The following GRIN2B variants were observed in gnomAD, a reference collection of about 807,000 sequenced individuals.
GRIN2B encodes glutamate ionotropic receptor NMDA type subunit 2B.
Under a neutral mutation model 114.5 loss-of-function variants are expected in GRIN2B, and 5 were observed. That is an observed-to-expected ratio of 0.04 (90% CI 0.02 to 0.09). The LOEUF (loss-of-function observed/expected upper bound fraction) is 0.09, where lower values mean the gene tolerates loss of function less well. GRIN2B is among the 10% of genes least tolerant of loss of function. The pLI is 1.00. For missense variants in GRIN2B, 1,108 were observed against 1,943.5 expected (o/e 0.57, Z 8.08); for synonymous variants, 787 against 745.1 (o/e 1.06, Z -0.92).
intron 2 of GRIN2B, among the ~76,000 whole-genome samples, chr12:13,866,949 T>A (rs1258685808): frequency 6.6e-6 from 1 of 152,234 alleles, no homozygotes; most frequent in African/African-American, 2.4e-5. Context: ...CTAAGTGTTC[T>A]AAGACCATGA....
chr12:13,935,201 G>A (rs978799649), intron 2 of GRIN2B, among the ~76,000 whole-genome samples: 13 of 152,148 alleles, frequency 8.5e-5, no homozygotes, highest in Non-Finnish European at 1.8e-4. Flanking sequence ...CTATTCAAAA[G>A]GCTAGCATAT....
At chr12:13,843,634 G>A (rs1437710677) in intron 3 of GRIN2B, among the ~76,000 whole-genome samples, 2 of 152,140 alleles carry the variant, frequency 1.3e-5, no homozygotes, top group East Asian at 3.9e-4. Context: ...TAAACAGTCA[G>A]AAGACAATTT....
chr12:13,899,914 T>C (rs1866414746), intron 2 of GRIN2B, among the ~76,000 whole-genome samples: 1 of 152,170 alleles, frequency 6.6e-6, no homozygotes, highest in Admixed American at 6.5e-5. Flanking sequence ...CTCTAAGCTG[T>C]ATAACAGCCT....
chr12:13,937,168 C>CAT (rs551073440), intron 2 of GRIN2B, among the ~76,000 whole-genome samples: 284 of 146,370 alleles, frequency 1.9e-3, no homozygotes, highest in Middle Eastern at 3.6e-3. Context: ...AATAATCTAA[C>CAT]ATATATATAT....
chr12:13,948,153 G>C (rs922638961), intron 2 of GRIN2B, among the ~76,000 whole-genome samples: 2 of 152,154 alleles, frequency 1.3e-5, no homozygotes, highest in Non-Finnish European at 2.9e-5. Flanking sequence ...ATGTCAACTT[G>C]TTGTCTAATA....
At chr12:13,843,332 C>T (rs1050148245) in intron 3 of GRIN2B, among the ~76,000 whole-genome samples, 1 of 151,966 alleles carries the variant, frequency 6.6e-6, no homozygotes, top group African/African-American at 2.4e-5. Flanking sequence ...TTCCAGACAA[C>T]TGTGTCTGCA....
chr12:13,633,469 T>C (rs1805549), intron 5 of GRIN2B, among the ~76,000 whole-genome samples: 2,190 of 152,344 alleles, frequency 0.014, 32 homozygotes, highest in Non-Finnish European at 0.024. Context: ...TACTGGCCTG[T>C]GCCACTAAGG....
At chr12:13,723,633 G>T (rs913023149) in intron 4 of GRIN2B, among the ~76,000 whole-genome samples, 2 of 152,138 alleles carry the variant, frequency 1.3e-5, no homozygotes, top group Non-Finnish European at 2.9e-5. Context: ...CTACAGGTGA[G>T]TGAAGTAGTA....
At chr12:13,807,098 T>C (rs982334335) in intron 3 of GRIN2B, among the ~76,000 whole-genome samples, 2 of 152,140 alleles carry the variant, frequency 1.3e-5, no homozygotes, top group African/African-American at 4.8e-5. Context: ...GCAAATCTCA[T>C]TAGATTGCTT....
At position 13,571,935 on chromosome 12, in the gene GRIN2B, A is replaced by G. The variant is rs1948713794; in HGVS notation, c.2040T>C (p.Pro680=). 2.5e-6 allele frequency: 4 copies of G among 1,614,062 alleles called. No individual in the cohort carries two copies. The highest frequency in any genetic ancestry group is 3.3e-4 in the Middle Eastern group (2 of 6,062). Residue 680 remains proline (P), a synonymous_variant, in exon 11 of 14, where the codon CCT becomes CCC. Coordinates refer to ENST00000609686, the MANE Select transcript of GRIN2B (RefSeq NM_000834.5). ...KFQRPNDFSP[P]FRFGTVPNGS... Reference sequence around the variant, plus strand: ...CGTTGGGCACGGTCCCAAAGCGGAAAGGGGGTGAGAAGTCATTAGGTCTCT... The same window carrying G: ...CGTTGGGCACGGTCCCAAAGCGGAAGGGGGGTGAGAAGTCATTAGGTCTCT...
rs566986755 is a variant in GRIN2B at position 13,956,932 on chromosome 12, T to A, written c.-19+22996A>T. Among the ~76,000 whole-genome samples, 7 of 152,332 alleles carry A rather than the reference T, an allele frequency of 4.6e-5. No homozygotes were observed. The South Asian group carries it at 8.3e-4, about 18-fold the overall frequency. On this transcript the variant is annotated intron_variant, in intron 2 of 13. Coordinates refer to ENST00000609686, the MANE Select transcript of GRIN2B (RefSeq NM_000834.5). Reference sequence around the variant, plus strand: ...GTTCTTTTTCGTCCTCTACCCTTAATTTCTGTGTATAAACAGACTCAATTT... The same window carrying A: ...GTTCTTTTTCGTCCTCTACCCTTAAATTCTGTGTATAAACAGACTCAATTT...
intron 4 of GRIN2B, among the ~76,000 whole-genome samples, chr12:13,697,278 T>A (rs760263137): frequency 2.6e-5 from 4 of 152,074 alleles, no homozygotes; most frequent in Non-Finnish European, 5.9e-5. Context: ...ATTCATCCAA[T>A]TCAGGAAGCA....
At chr12:13,679,645 C>G (rs1049644049) in intron 4 of GRIN2B, among the ~76,000 whole-genome samples, 9 of 152,180 alleles carry the variant, frequency 5.9e-5, no homozygotes, top group African/African-American at 1.9e-4. Flanking sequence ...ATCATTCACA[C>G]TGTGTTTTCA....
Position 13,601,621 on chromosome 12 carries a change from C to A in GRIN2B, c.2010+6982G>T, listed in dbSNP as rs182251746. ...CAATTCAACCCACTTCAGGCCCCAA[C>A]AAGGTAGTAGAGCTTAGAGGTGAGG... On this transcript the variant is annotated intron_variant, in intron 10 of 13. Coordinates refer to ENST00000609686, the MANE Select transcript of GRIN2B (RefSeq NM_000834.5). Among the ~76,000 whole-genome samples the A allele has an allele frequency of 2.6e-3, 396 of 151,674 alleles. 3 individuals are homozygous for A. Among genetic ancestry groups the A allele is most frequent in the African/African-American group, 9.2e-3 (380 of 41,284 alleles).
At chr12:13,773,009 G>A (rs1030847129) in intron 3 of GRIN2B, among the ~76,000 whole-genome samples, 6 of 152,132 alleles carry the variant, frequency 3.9e-5, no homozygotes, top group Admixed American at 3.9e-4. Flanking sequence ...ATAGATGGGT[G>A]GATTTCACAC....
intron 3 of GRIN2B, among the ~76,000 whole-genome samples, chr12:13,756,148 TGGGATTA>T (rs1863572117): frequency 3.3e-5 from 5 of 152,182 alleles, no homozygotes; most frequent in Non-Finnish European, 4.4e-5. Context: ...CCCGAGTAGC[TGGGATTA>T]CAGGCGCCCA....
chr12:13,823,393 T>C (rs564311765), intron 3 of GRIN2B, among the ~76,000 whole-genome samples: 1 of 152,186 alleles, frequency 6.6e-6, no homozygotes, highest in South Asian at 2.1e-4. Context: ...TGTTGATATA[T>C]ATGTATAATT....
At chr12:13,917,230 C>A (rs1161549739) in intron 2 of GRIN2B, among the ~76,000 whole-genome samples, 1 of 152,162 alleles carries the variant, frequency 6.6e-6, no homozygotes, top group Non-Finnish European at 1.5e-5. Context: ...TGGGGTCCCA[C>A]TAATAAAACC....
chr12:13,613,970 T>C (rs977233532), intron 8 of GRIN2B, among the ~76,000 whole-genome samples: 7 of 144,208 alleles, frequency 4.9e-5, no homozygotes, highest in Admixed American at 2.2e-4. Flanking sequence ...AGAATTAGAA[T>C]GTGGTTTTGT....
Sources: allele counts gnomAD v4.1 joint callset (sites outside exome capture counted in the v4.1 genomes callset), GRCh38; gene constraint gnomAD v4.1.1; transcripts MANE v1.5; gene names NCBI Gene and HGNC (gene_info 2026-07-23, HGNC 2026-07-21).